Variants in GRM5 observed in about 807,000 individuals in gnomAD.
GRM5 encodes glutamate metabotropic receptor 5, also known as metabotropic glutamate receptor 5.
Under a neutral mutation model 83.1 loss-of-function variants are expected in GRM5, and 19 were observed. The observed-to-expected ratio is 0.23, with a 90% confidence interval of 0.16 to 0.34. GRM5 has a LOEUF of 0.34. Ranked by LOEUF, GRM5 falls within the 10% of genes least tolerant of loss-of-function variation. The pLI, the probability that GRM5 is intolerant of heterozygous loss-of-function variation, is 1.00. For synonymous variants in GRM5, 675 were observed against 633.6 expected (o/e 1.07, Z -0.98); for missense variants, 1,160 against 1,588.3 (o/e 0.73, Z 4.58).
rs1301827348 is a variant in GRM5, at chr11:88,885,047, T to C, written c.662-34892A>G. ...AACTGAATTACTCATTCCTAAGATC[T>C]GAAAAGAAGCCATTTTTTAAAATAA... On this transcript the variant is annotated intron_variant, in intron 2 of 9. Transcript: ENST00000305447. Among the ~76,000 whole-genome samples, 3 of 152,116 alleles carry C rather than the reference T, an allele frequency of 2.0e-5. No homozygotes were observed. In the East Asian group the frequency reaches 5.8e-4, roughly 29 times the overall value.
intron 2 of GRM5, among the ~76,000 whole-genome samples, chr11:89,002,813 T>G (rs1565330404): frequency 6.6e-6 from 1 of 151,860 alleles, no homozygotes; most frequent in East Asian, 1.9e-4. Context: ...TCAGAATGCT[T>G]CCCCCCCAGA....
chr11:88,597,935 A>G (rs1387722063), intron 5 of GRM5, among the ~76,000 whole-genome samples: 1 of 152,128 alleles, frequency 6.6e-6, no homozygotes, highest in East Asian at 1.9e-4. Context: ...GGAAGAGAGT[A>G]GTTCCTTGTG....
intron 3 of GRM5, among the ~76,000 whole-genome samples, chr11:88,737,533 C>A (rs1197240561): frequency 1.3e-5 from 2 of 152,080 alleles, no homozygotes; most frequent in African/African-American, 2.4e-5. Context: ...GTCCATAATG[C>A]TTATGAATGG....
intron 3 of GRM5, among the ~76,000 whole-genome samples, chr11:88,743,725 G>A (rs1942075518): frequency 6.6e-6 from 1 of 152,036 alleles, no homozygotes; most frequent in Admixed American, 6.6e-5. Flanking sequence ...GGAGATTTGA[G>A]GCAAATACAA....
At chr11:88,882,340 A>G (rs1365800746) in intron 2 of GRM5, among the ~76,000 whole-genome samples, 2 of 151,320 alleles carry the variant, frequency 1.3e-5, no homozygotes, top group Non-Finnish European at 2.9e-5. Flanking sequence ...TCACGAGGTC[A>G]GGAGATCGAG....
At chr11:88,647,055 C>T (rs993536555) in intron 4 of GRM5, among the ~76,000 whole-genome samples, 1 of 152,020 alleles carries the variant, frequency 6.6e-6, no homozygotes, top group Non-Finnish European at 1.5e-5. Context: ...ACCGTCAATC[C>T]TTGATATTCC....
chr11:88,981,710 C>T (rs1939529390), intron 2 of GRM5, among the ~76,000 whole-genome samples: 1 of 152,198 alleles, frequency 6.6e-6, no homozygotes, highest in Non-Finnish European at 1.5e-5. Context: ...GAAAAGAACA[C>T]AGAATCAGGA....
At chr11:88,971,160 C>A (rs569109152) in intron 2 of GRM5, among the ~76,000 whole-genome samples, 1 of 152,250 alleles carries the variant, frequency 6.6e-6, no homozygotes, top group East Asian at 1.9e-4. Context: ...CAAGTAGAAG[C>A]ACCAGTGTGC....
intron 3 of GRM5, among the ~76,000 whole-genome samples, chr11:88,836,864 A>G (rs1223333998): frequency 7.9e-5 from 12 of 152,188 alleles, no homozygotes; most frequent in Admixed American, 7.9e-4. Flanking sequence ...CTAGAAAACA[A>G]TAAAGAGCAA....
chr11:89,031,234 A>T (rs1307640907), intron 2 of GRM5, among the ~76,000 whole-genome samples: 21 of 151,976 alleles, frequency 1.4e-4, no homozygotes, highest in Admixed American at 1.3e-3. Context: ...TATACTAACT[A>T]AACTTTTTAT....
intron 3 of GRM5, among the ~76,000 whole-genome samples, chr11:88,824,037 T>G (rs1943849567): frequency 6.6e-6 from 1 of 152,234 alleles, no homozygotes; most frequent in African/African-American, 2.4e-5. Flanking sequence ...GTTTACTCCT[T>G]GGCTGAGAAT....
chr11:88,615,611 A>T (rs1012462254), intron 4 of GRM5, among the ~76,000 whole-genome samples: 1 of 151,582 alleles, frequency 6.6e-6, no homozygotes, highest in Non-Finnish European at 1.5e-5. Context: ...CATAAAACCC[A>T]ATCAGCTAGG....
At chr11:88,572,321 A>C (rs930223782) in intron 7 of GRM5, among the ~76,000 whole-genome samples, 17 of 152,194 alleles carry the variant, frequency 1.1e-4, no homozygotes, top group Admixed American at 1.0e-3. Flanking sequence ...GAGGGAGAGA[A>C]TATGTCAGAG....
chr11:88,603,449 C>G (rs571145230), intron 5 of GRM5, among the ~76,000 whole-genome samples: 26 of 152,294 alleles, frequency 1.7e-4, no homozygotes, highest in African/African-American at 6.3e-4. Context: ...AAAGACTGAG[C>G]TCATTGGTCA....
At chr11:88,544,808 G>C (rs540339199) in intron 8 of GRM5, among the ~76,000 whole-genome samples, 51 of 152,348 alleles carry the variant, frequency 3.3e-4, no homozygotes, top group African/African-American at 1.1e-3. Context: ...GAGGCTGGAA[G>C]AGGCTACCAC....
chr11:88,588,715 T>A (rs1404265958), intron 7 of GRM5, among the ~76,000 whole-genome samples: 2 of 152,200 alleles, frequency 1.3e-5, no homozygotes, highest in Non-Finnish European at 2.9e-5. Context: ...CTCTCGGATA[T>A]TTCCATGTTT....
intron 3 of GRM5, among the ~76,000 whole-genome samples, chr11:88,702,585 T>C (rs1353949065): frequency 6.6e-6 from 1 of 152,236 alleles, no homozygotes; most frequent in East Asian, 1.9e-4. Flanking sequence ...TTTCATATGA[T>C]CACAATCATA....
intron 3 of GRM5, among the ~76,000 whole-genome samples, chr11:88,729,028 T>C (rs960830635): frequency 1.3e-5 from 2 of 152,230 alleles, no homozygotes; most frequent in African/African-American, 4.8e-5. Flanking sequence ...GCTAGGGCAA[T>C]CAGGCAAGAG....
At chr11:88,703,511 G>A (rs909753461) in intron 3 of GRM5, among the ~76,000 whole-genome samples, 2 of 152,100 alleles carry the variant, frequency 1.3e-5, no homozygotes, top group Admixed American at 6.6e-5. Flanking sequence ...AAAAGGTTGG[G>A]CAAATGACAA....
Sources: allele counts gnomAD v4.1 joint callset (sites outside exome capture counted in the v4.1 genomes callset), GRCh38; gene constraint gnomAD v4.1.1; transcripts MANE v1.5; gene names NCBI Gene and HGNC (gene_info 2026-07-23, HGNC 2026-07-21).